Variants in TAFA4 observed in about 807,000 individuals in gnomAD.
The protein encoded by TAFA4 is chemokine-like protein TAFA-4.
A neutral mutation model predicts 21.1 loss-of-function variants in TAFA4; 20 were observed. That is an observed-to-expected ratio of 0.95 (90% CI 0.67 to 1.38). The LOEUF is 1.38. Among genes scored for constraint, TAFA4 ranks in the 40% most tolerant of loss-of-function variants. TAFA4 has a pLI of 0.00. For synonymous variants in TAFA4, 71 were observed against 67.4 expected, an observed-to-expected ratio of 1.05 and a Z score of -0.26; for missense variants, 211 against 180.9, an observed-to-expected ratio of 1.17 and a Z score of -0.95.
chr3:68,857,607 T>A (rs1352271864), intron 3 of TAFA4, among the ~76,000 whole-genome samples: 1 of 152,118 alleles, frequency 6.6e-6, no homozygotes, highest in Non-Finnish European at 1.5e-5. Context: ...TTGTGAAATG[T>A]AAATACATAT....
chr3:68,826,055 G>A (rs1010087061), intron 3 of TAFA4, among the ~76,000 whole-genome samples: 3 of 152,186 alleles, frequency 2.0e-5, no homozygotes, highest in Admixed American at 6.5e-5. Flanking sequence ...TTTGCAAGGT[G>A]AGGGAGGGTT....
At chr3:68,889,432 T>TTCC (rs2106962830) in intron 1 of TAFA4, among the ~76,000 whole-genome samples, 1 of 152,342 alleles carries the variant, frequency 6.6e-6, no homozygotes, top group Non-Finnish European at 1.5e-5. Context: ...AGGCTGTGCC[T>TTCC]TCCTCGTCTG....
intron 3 of TAFA4, among the ~76,000 whole-genome samples, chr3:68,771,983 C>A (rs1455084651): frequency 1.3e-5 from 2 of 151,882 alleles, no homozygotes; most frequent in East Asian, 3.9e-4. Flanking sequence ...AAAATGCAAC[C>A]AAATGAGGAA....
chr3:68,744,500 G>A (rs1702417092), intron 4 of TAFA4, among the ~76,000 whole-genome samples: 1 of 152,216 alleles, frequency 6.6e-6, no homozygotes, highest in Non-Finnish European at 1.5e-5. Context: ...ACTGAGGTGG[G>A]AGTGAAGTGA....
chr3:68,784,994 C>A (rs191600016), intron 3 of TAFA4, among the ~76,000 whole-genome samples: 53 of 145,536 alleles, frequency 3.6e-4, no homozygotes, highest in South Asian at 9.1e-4. Context: ...GTTTACAAAC[C>A]TTGAGCTAGA....
chr3:68,904,127 CA>C (rs2089873493), intron 1 of TAFA4, among the ~76,000 whole-genome samples: 1 of 151,844 alleles, frequency 6.6e-6, no homozygotes, highest in Non-Finnish European at 1.5e-5. Flanking sequence ...GTGCCTCTTG[CA>C]ACCACTATCC....
intron 1 of TAFA4, among the ~76,000 whole-genome samples, chr3:68,931,362 G>A (rs1389947408): frequency 1.3e-5 from 2 of 152,182 alleles, no homozygotes; most frequent in Admixed American, 1.3e-4. Context: ...CTGCTTAGGA[G>A]CTGATTCACA....
At chr3:68,776,741 C>T (rs1703056414) in intron 3 of TAFA4, among the ~76,000 whole-genome samples, 1 of 152,150 alleles carries the variant, frequency 6.6e-6, no homozygotes, top group South Asian at 2.1e-4. Context: ...TCAGAATAGA[C>T]CATATTGTGG....
chr3:68,866,665 A>C lies in TAFA4; in HGVS notation c.130+14065T>G, dbSNP rs1382219657. On this transcript the variant is annotated intron_variant, in intron 3 of 5. Transcript: ENST00000295569. ...AATAGCAGTTCTAAAAAAAAAAAAA[A>C]AAAAAAAAAAAAACTCTGCAAACTC... is the stretch of plus-strand genomic sequence containing the variant. 5.6e-4 allele frequency among the ~76,000 whole-genome samples: 83 copies of C among 148,236 alleles called. 1 individual carries two copies. In the East Asian group the frequency reaches 0.016, roughly 28 times the overall value.
intron 1 of TAFA4, among the ~76,000 whole-genome samples, chr3:68,897,418 G>A (rs1378951335): frequency 6.6e-6 from 1 of 151,938 alleles, no homozygotes; most frequent in Non-Finnish European, 1.5e-5. Flanking sequence ...CTGAGATCAG[G>A]AGGTTGAGAC....
intron 1 of TAFA4, among the ~76,000 whole-genome samples, chr3:68,892,744 A>G (rs1253861326): frequency 6.6e-6 from 1 of 152,228 alleles, no homozygotes; most frequent in African/African-American, 2.4e-5. Flanking sequence ...GTGCACTGAT[A>G]AATTCCTTCC....
chr3:68,763,584 T>G (rs62254085), intron 3 of TAFA4, among the ~76,000 whole-genome samples: 41,947 of 151,902 alleles, frequency 0.28, 7,189 homozygotes, highest in Non-Finnish European at 0.39. Flanking sequence ...CATTCCTCAG[T>G]CGCTTACCTT....
intron 3 of TAFA4, among the ~76,000 whole-genome samples, chr3:68,769,496 T>TG (rs1309099033): frequency 6.6e-6 from 1 of 152,206 alleles, no homozygotes; most frequent in African/African-American, 2.4e-5. Flanking sequence ...TGGGGACCAC[T>TG]GTTCTACTGC....
chr3:68,816,568 C>G (rs1292187494), intron 3 of TAFA4, among the ~76,000 whole-genome samples: 1 of 152,144 alleles, frequency 6.6e-6, no homozygotes, highest in Non-Finnish European at 1.5e-5. Context: ...TGCAACTTTA[C>G]TGAATTCATT....
intron 3 of TAFA4, among the ~76,000 whole-genome samples, chr3:68,862,828 A>G (rs777706770): frequency 3.3e-5 from 5 of 150,230 alleles, no homozygotes; most frequent in African/African-American, 5.0e-5. Context: ...TCATGGCCTC[A>G]TTCAGCCTCC....
intron 3 of TAFA4, among the ~76,000 whole-genome samples, chr3:68,859,985 G>A (rs2089312471): frequency 6.6e-6 from 1 of 152,086 alleles, no homozygotes; most frequent in South Asian, 2.1e-4. Context: ...TTAGGAAGTG[G>A]GACCTTTCCT....
At chr3:68,785,820 C>T (rs1703249625) in intron 3 of TAFA4, among the ~76,000 whole-genome samples, 1 of 152,232 alleles carries the variant, frequency 6.6e-6, no homozygotes, top group Non-Finnish European at 1.5e-5. Flanking sequence ...GTGAGGACTG[C>T]CAGCACGCTG....
intron 1 of TAFA4, among the ~76,000 whole-genome samples, chr3:68,930,830 A>C: frequency 6.6e-6 from 1 of 152,234 alleles, no homozygotes; most frequent in East Asian, 1.9e-4. Flanking sequence ...GAGCTATTGA[A>C]GAATTCTTCA....
chr3:68,787,828 TA>T (rs1363640925), intron 3 of TAFA4, among the ~76,000 whole-genome samples: 1 of 152,248 alleles, frequency 6.6e-6, no homozygotes, highest in East Asian at 1.9e-4. Flanking sequence ...TGTTGTGTAA[TA>T]AAGCTTCTAG....
Sources: allele counts gnomAD v4.1 joint callset (sites outside exome capture counted in the v4.1 genomes callset), GRCh38; gene constraint gnomAD v4.1.1; transcripts MANE v1.5; gene names NCBI Gene and HGNC (gene_info 2026-07-23, HGNC 2026-07-21).